The following DOCK2 variants were observed in gnomAD, a reference collection of about 807,000 sequenced individuals.
The protein encoded by DOCK2 is dedicator of cytokinesis protein 2.
DOCK2 carries 87 observed loss-of-function variants against 248.9 expected under a neutral mutation model. That is an observed-to-expected ratio of 0.35 (90% CI 0.29 to 0.42). DOCK2 has a LOEUF of 0.42. Ranked by LOEUF, DOCK2 falls within the 10% of genes least tolerant of loss-of-function variation. DOCK2 has a pLI of 1.00. For synonymous variants in DOCK2, 805 were observed against 821.6 expected, an observed-to-expected ratio of 0.98 and a Z score of 0.35; for missense variants, 1,747 against 2,300.2, an observed-to-expected ratio of 0.76 and a Z score of 4.92.
chr5:169,695,763 TCA>T, intron 9 of DOCK2, 38 bp from the exon 10 acceptor site: 1 of 1,609,918 alleles, frequency 6.2e-7, no homozygotes, highest in African/African-American at 1.3e-5. Flanking sequence ...TTTCCCCCAT[TCA>T]GCACATGATG....
rs142795493 is a variant in DOCK2 at position 169,820,152 on chromosome 5, C to T, written c.2703+16946C>T. Among the ~76,000 whole-genome samples the T allele has an allele frequency of 5.2e-3, 798 of 152,348 alleles. 8 individuals are homozygous for T. The highest frequency in any genetic ancestry group is 0.019 in the African/African-American group (771 of 41,586). On this transcript the variant is annotated intron_variant, in intron 26 of 51. Transcript: ENST00000520908. ...TCAAACTGGGTGGAGCCCAACGCAG[C>T]TCAAGGAGGCCTGCATGCCTCTGTA...
rs1158795585 is a variant in DOCK2 at position 170,070,700 on chromosome 5, T to G, written c.4728+1480T>G. Among the ~76,000 whole-genome samples the G allele has an allele frequency of 2.0e-5, 3 of 152,218 alleles. No homozygotes were observed. The East Asian group carries it at 5.8e-4, about 29-fold the overall frequency. ...GGCTAACATGTCATACAGATTTGCTTAGTTGTTGGATGTCACTCTGAATCT... is the reference window on the plus strand; with the variant it reads ...GGCTAACATGTCATACAGATTTGCTGAGTTGTTGGATGTCACTCTGAATCT... On this transcript the variant is annotated intron_variant, in intron 46 of 51. Coordinates refer to ENST00000520908, the MANE Select transcript of DOCK2 (RefSeq NM_004946.3).
intron 23 of DOCK2, among the ~76,000 whole-genome samples, chr5:169,749,198 T>C (rs1220978150): frequency 3.3e-5 from 5 of 152,252 alleles, no homozygotes. Context: ...CATCATTGGT[T>C]TTATGAAAAT....
chr5:169,720,485 T>G (rs1446626390), intron 22 of DOCK2, among the ~76,000 whole-genome samples: 1 of 142,386 alleles, frequency 7.0e-6, no homozygotes, highest in Non-Finnish European at 1.6e-5. Context: ...TTCCTTCCAT[T>G]TTTTCCTTCC....
intron 17 of DOCK2, 64 bp downstream of exon 17, chr5:169,712,287 A>C (rs1761635609): frequency 6.8e-7 from 1 of 1,478,978 alleles, no homozygotes; most frequent in Non-Finnish European, 9.4e-7. Flanking sequence ...GTGATGGCAA[A>C]ATTGCTTAGT....
At chr5:170,075,332 A>G (rs1757800545) in intron 46 of DOCK2, 1 of 152,440 alleles carries the variant, frequency 6.6e-6, no homozygotes, top group African/African-American at 2.4e-5. Context: ...ACTCCCTCAC[A>G]TCAATCCTCT....
chr5:169,698,247 C>T, intron 10 of DOCK2, 127 bp from the exon 11 acceptor site: 2 of 833,462 alleles, frequency 2.4e-6, no homozygotes, highest in South Asian at 3.2e-5. Flanking sequence ...GCTTGCTTGC[C>T]ATTTTAGGCC....
chr5:169,898,066 C>A (rs2113566603), intron 27 of DOCK2, among the ~76,000 whole-genome samples: 1 of 152,178 alleles, frequency 6.6e-6, no homozygotes, highest in Non-Finnish European at 1.5e-5. Context: ...GGAGAGAGTC[C>A]CCTGTCAGAA....
At chr5:169,659,750 G>A (rs78008598) in intron 2 of DOCK2, among the ~76,000 whole-genome samples, 2,325 of 152,244 alleles carry the variant, frequency 0.015, 70 homozygotes, top group African/African-American at 0.052. Flanking sequence ...TTATCCAGAG[G>A]CGGCATAAAC....
At chr5:169,875,156 A>G (rs935640558) in intron 27 of DOCK2, 1 of 454,218 alleles carries the variant, frequency 2.2e-6, no homozygotes, top group African/African-American at 2.0e-5. Context: ...TAAATCAAGT[A>G]TCTTCTTTCA....
intron 27 of DOCK2, among the ~76,000 whole-genome samples, chr5:169,952,791 T>C (rs1776713620): frequency 6.6e-6 from 1 of 152,026 alleles, no homozygotes; most frequent in South Asian, 2.1e-4. Flanking sequence ...GGGTACAGAG[T>C]TGCCACATGG....
At chr5:169,898,511 A>G (rs969096056) in intron 27 of DOCK2, among the ~76,000 whole-genome samples, 4 of 151,572 alleles carry the variant, frequency 2.6e-5, no homozygotes, top group African/African-American at 9.7e-5. Flanking sequence ...TATCCTCTAC[A>G]TGCACACACA....
At chr5:169,695,306 G>A (rs1057049660) in intron 9 of DOCK2, 1 of 159,744 alleles carries the variant, frequency 6.3e-6, no homozygotes, top group Non-Finnish European at 1.4e-5. Context: ...CTGAGATATT[G>A]GGGTTGTTAG....
At chr5:169,836,759 C>G (rs1769605405) in intron 26 of DOCK2, among the ~76,000 whole-genome samples, 1 of 151,688 alleles carries the variant, frequency 6.6e-6, no homozygotes, top group Non-Finnish European at 1.5e-5. Flanking sequence ...TTTACAAGAA[C>G]TAGAGAGGTA....
chr5:169,709,026 G>C (rs77846918), intron 15 of DOCK2, among the ~76,000 whole-genome samples: 1 of 152,202 alleles, frequency 6.6e-6, no homozygotes, highest in Admixed American at 6.5e-5. Context: ...TGTAAAATGG[G>C]AGCAATAGGT....
At chr5:169,883,195 G>C (rs1772767358) in intron 27 of DOCK2, 2 of 1,551,650 alleles carry the variant, frequency 1.3e-6, no homozygotes, top group African/African-American at 2.7e-5. Flanking sequence ...GTCATCCAAA[G>C]GGTGTATGGA....
chr5:169,836,342 G>A (rs1463044847), intron 26 of DOCK2, among the ~76,000 whole-genome samples: 2 of 152,082 alleles, frequency 1.3e-5, no homozygotes, highest in African/African-American at 4.8e-5. Context: ...TTATCATTAG[G>A]TATAAAACAG....
intron 27 of DOCK2, among the ~76,000 whole-genome samples, chr5:169,981,027 C>T (rs544009272): frequency 1.3e-5 from 2 of 152,228 alleles, no homozygotes; most frequent in East Asian, 1.9e-4. Flanking sequence ...TTGTAAGCTT[C>T]GTAGTCATGA....
intron 27 of DOCK2, among the ~76,000 whole-genome samples, chr5:169,853,995 T>C (rs1301140793): frequency 6.7e-6 from 1 of 148,454 alleles, no homozygotes; most frequent in African/African-American, 2.5e-5. Flanking sequence ...ACCACCATGC[T>C]GGGCTAATTT....
Sources: allele counts gnomAD v4.1 joint callset (sites outside exome capture counted in the v4.1 genomes callset), GRCh38; gene constraint gnomAD v4.1.1; transcripts MANE v1.5; gene names NCBI Gene and HGNC (gene_info 2026-07-23, HGNC 2026-07-21).